The following SCRG1 variants were observed in gnomAD, a reference collection of about 807,000 sequenced individuals.
The protein encoded by SCRG1 is stimulator of chondrogenesis 1.
SCRG1 carries 3 observed loss-of-function variants against 7.7 expected under a neutral mutation model. That is an observed-to-expected ratio of 0.39 (90% CI 0.18 to 1.01). The LOEUF (loss-of-function observed/expected upper bound fraction) is 1.01, where lower values mean the gene tolerates loss of function less well. SCRG1 is among the 50% of genes least tolerant of loss of function. SCRG1 has a pLI of 0.36. For missense variants in SCRG1, 110 were observed against 117.2 expected, an observed-to-expected ratio of 0.94 and a Z score of 0.28; for synonymous variants, 46 against 41.2, an observed-to-expected ratio of 1.12 and a Z score of -0.44.
At chr4:173,392,833 G>A (rs1739490837) in intron 1 of SCRG1, among the ~76,000 whole-genome samples, 1 of 152,226 alleles carries the variant, frequency 6.6e-6, no homozygotes, top group African/African-American at 2.4e-5. Flanking sequence ...GCTCACACCT[G>A]TAATCCCAGC....
chr4:173,514,800 A>T, the SCRG1 span, among the ~76,000 whole-genome samples: 1 of 152,248 alleles, frequency 6.6e-6, no homozygotes, highest in East Asian at 1.9e-4. Context: ...TTCCTGTTGC[A>T]TAGTCCCAGC....
At chr4:173,484,047 TATA>T in the SCRG1 span, among the ~76,000 whole-genome samples, 3 of 88,958 alleles carry the variant, frequency 3.4e-5, no homozygotes, top group East Asian at 7.2e-4. Flanking sequence ...TAATTATAAA[TATA>T]ATATACATAA....
At chr4:173,484,170 T>C in the SCRG1 span, among the ~76,000 whole-genome samples, 1 of 80,588 alleles carries the variant, frequency 1.2e-5, no homozygotes. Flanking sequence ...ACATTATATA[T>C]AATATATAAT....
At chr4:173,498,978 T>A in the SCRG1 span, among the ~76,000 whole-genome samples, 1 of 152,194 alleles carries the variant, frequency 6.6e-6, no homozygotes, top group African/African-American at 2.4e-5. Flanking sequence ...ATTGGCTCCA[T>A]GTGTGGTGTG....
In SCRG1 at chr4:173,385,192, A is replaced by G. The variant is rs576869769; in HGVS notation, c.*3149T>C. The G allele has an allele frequency of 3.9e-5, 6 of 152,312 alleles. No homozygotes were observed. The highest frequency in any genetic ancestry group is 2.1e-4 in the South Asian group (1 of 4,830). The allele number at this position is 152,312 out of a possible 1,614,324, so 9.4% of individuals were successfully genotyped here. A position where few individuals can be genotyped will look rare whatever the true frequency, so the allele number is the denominator to read the frequency against. Reference sequence around the variant, plus strand: ...CTTAGTTGTCTTATAACTAAAATCTATTGGAAAAACTCATGCCTGTAATCC... The same window carrying G: ...CTTAGTTGTCTTATAACTAAAATCTGTTGGAAAAACTCATGCCTGTAATCC... On this transcript the variant is annotated 3_prime_UTR_variant, in exon 3 of 3. Coordinates refer to ENST00000296506, the MANE Select transcript of SCRG1 (RefSeq NM_007281.4).
At chr4:173,435,118 ATGTGTGTGTGTGTGTGTG>A in the SCRG1 span, among the ~76,000 whole-genome samples, 86,330 of 151,208 alleles carry the variant, frequency 0.57, 25,617 homozygotes, top group Non-Finnish European at 0.67. Context: ...ATATATATCT[ATGTGTGTGTGTGTGTGTG>A]TGTGTGTGTG....
the SCRG1 span, among the ~76,000 whole-genome samples, chr4:173,425,757 C>A: frequency 6.6e-6 from 1 of 152,248 alleles, no homozygotes; most frequent in African/African-American, 2.4e-5. Flanking sequence ...AATATTAGCT[C>A]ATTTCTTCTA....
At chr4:173,483,326 T>G in the SCRG1 span, among the ~76,000 whole-genome samples, 57 of 39,942 alleles carry the variant, frequency 1.4e-3, 5 homozygotes, top group African/African-American at 3.3e-3. Flanking sequence ...TATCATATAT[T>G]ATATATTATA....
At chr4:173,442,006 T>C in the SCRG1 span, among the ~76,000 whole-genome samples, 3 of 152,192 alleles carry the variant, frequency 2.0e-5, no homozygotes, top group Non-Finnish European at 2.9e-5. Context: ...CCACACAAAG[T>C]TCAACTTTTG....
At chr4:173,441,264 T>A in the SCRG1 span, among the ~76,000 whole-genome samples, 2 of 152,216 alleles carry the variant, frequency 1.3e-5, no homozygotes, top group Non-Finnish European at 2.9e-5. Context: ...CAAAATTTTA[T>A]TGTGTCACTT....
chr4:173,416,016 T>C, the SCRG1 span, among the ~76,000 whole-genome samples: 3 of 152,338 alleles, frequency 2.0e-5, no homozygotes, highest in Admixed American at 6.5e-5. Flanking sequence ...AAGACCAGCA[T>C]GTGCGCCTCG....
At chr4:173,410,741 AG>A, upstream of SCRG1, among the ~76,000 whole-genome samples, 1 of 152,230 alleles carries the variant, frequency 6.6e-6, no homozygotes, top group Non-Finnish European at 1.5e-5. Context: ...TAAGAGCTGA[AG>A]GGTTTGCTAA....
the SCRG1 span, among the ~76,000 whole-genome samples, chr4:173,430,203 T>C: frequency 6.6e-6 from 1 of 152,184 alleles, no homozygotes; most frequent in African/African-American, 2.4e-5. Context: ...CTTTTGTGCT[T>C]GGCCTGATCT....
the SCRG1 span, among the ~76,000 whole-genome samples, chr4:173,464,886 A>G: frequency 6.4e-4 from 97 of 152,358 alleles, no homozygotes; most frequent in African/African-American, 2.2e-3. Flanking sequence ...TGGTATGTAC[A>G]TGCAATGGGA....
chr4:173,454,718 C>T, the SCRG1 span, among the ~76,000 whole-genome samples: 6 of 152,108 alleles, frequency 3.9e-5, no homozygotes, highest in African/African-American at 1.4e-4. Flanking sequence ...TCTAGAGAAG[C>T]TCATGGGCAT....
chr4:173,455,877 T>A, the SCRG1 span, among the ~76,000 whole-genome samples: 1 of 152,122 alleles, frequency 6.6e-6, no homozygotes, highest in African/African-American at 2.4e-5. Flanking sequence ...ATAGGATGCA[T>A]GTGGAAAGAC....
the SCRG1 span, among the ~76,000 whole-genome samples, chr4:173,509,161 C>T: frequency 6.6e-6 from 1 of 152,156 alleles, no homozygotes; most frequent in Non-Finnish European, 1.5e-5. This position sits in a 1 kb window ranked among gnomAD's most constrained non-coding sequence, Gnocchi z 5.7. Context: ...ATGCAAATAA[C>T]TCAACACTCT....
At chr4:173,464,969 T>G in the SCRG1 span, among the ~76,000 whole-genome samples, 2 of 152,210 alleles carry the variant, frequency 1.3e-5, no homozygotes, top group Admixed American at 6.5e-5. Flanking sequence ...AGACATTATG[T>G]TAAGTGAAAT....
rs1028558582 is a variant in SCRG1, at chr4:173,395,825, T to C, written c.-15+3243A>G. Reference sequence around the variant, plus strand: ...AAATTCATAGAGCTGATTAATTATTTAGTGAATTGGTTATTATGTGAATTT... The same window carrying C: ...AAATTCATAGAGCTGATTAATTATTCAGTGAATTGGTTATTATGTGAATTT... On this transcript the variant is annotated intron_variant, in intron 1 of 2. Coordinates refer to ENST00000296506, the MANE Select transcript of SCRG1 (RefSeq NM_007281.4). 2.0e-5 allele frequency among the ~76,000 whole-genome samples: 3 copies of C among 152,192 alleles called. No homozygotes were observed. In the South Asian group the frequency reaches 6.2e-4, roughly 32 times the overall value.
Sources: gnomAD v4.1 joint callset for allele counts (sites outside exome capture counted in the v4.1 genomes callset) on GRCh38, gnomAD v4.1.1 for gene constraint, Gnocchi (gnomAD v3.1) non-coding constraint, MANE v1.5 for transcripts, NCBI Gene and HGNC (gene_info 2026-07-23, HGNC 2026-07-21) for gene names.